Variants in PCDHGB3 observed in about 807,000 individuals in gnomAD.
PCDHGB3 encodes the protein protocadherin gamma subfamily B, 3.
In PCDHGB3, 40 loss-of-function variants were observed where a neutral mutation model predicts 59.2. That is an observed-to-expected ratio of 0.68 (90% CI 0.52 to 0.88). PCDHGB3 has a LOEUF of 0.88. Ranked by LOEUF, PCDHGB3 falls within the 40% of genes least tolerant of loss-of-function variation. PCDHGB3 has a pLI of 0.00. For synonymous variants in PCDHGB3, 581 were observed against 503.6 expected (o/e 1.15, Z -2.06); for missense variants, 1,309 against 1,187.9 (o/e 1.10, Z -1.50).
rs2149975927 is a variant in PCDHGB3, at chr5:141,370,978, T to C, written c.584T>C (p.Val195Ala). Residue 195 changes from valine to alanine, a missense_variant, in exon 1 of 4, where the codon GTA (valine) becomes GCA (alanine). By Grantham distance (64) the Val-to-Ala change is moderately conservative. Transcript: ENST00000576222. ...GATGGCAGTAGGTACCCAGAGCTAG[T>C]ACTGAAAGCACCCCTGGACAGGGAA... ...NLDGSRYPELVLKAPLDREEQ... is the reference protein window; with the variant it reads ...NLDGSRYPELALKAPLDREEQ... 1 of 1,613,976 alleles carries C rather than the reference T, an allele frequency of 6.2e-7. No individual in the cohort carries two copies. The highest frequency in any genetic ancestry group is 8.5e-7 in the Non-Finnish European group (1 of 1,179,876).
rs767197233 is a variant in PCDHGB3, at chr5:141,418,642, C to T, written c.2415+45833C>T. On this transcript the variant is annotated intron_variant, in intron 1 of 3. Coordinates refer to ENST00000576222, the MANE Select transcript of PCDHGB3 (RefSeq NM_018924.5). ...AAGACGTGCCTCCAGGCACCTCCAT[C>T]CTGAGAGTGAAGGCCACTGACCAGG... The T allele has an allele frequency of 2.3e-5, 37 of 1,614,028 alleles. No individual in the cohort carries two copies. In the South Asian group the frequency reaches 3.6e-4, roughly 16 times the overall value.
intron 1 of PCDHGB3, chr5:141,399,510 C>T: frequency 6.2e-7 from 1 of 1,614,040 alleles, no homozygotes; most frequent in Non-Finnish European, 8.5e-7. Context: ...CCGAAAACAA[C>T]CCTCCTGGGG....
intron 1 of PCDHGB3, chr5:141,392,833 GC>G (rs922844407): frequency 1.2e-6 from 2 of 1,604,258 alleles, no homozygotes; most frequent in Non-Finnish European, 1.7e-6. Context: ...CCACAGAGTC[GC>G]CCCAGACGCG....
intron 1 of PCDHGB3, among the ~76,000 whole-genome samples, chr5:141,480,704 G>A (rs545986902): frequency 8.5e-5 from 13 of 152,206 alleles, no homozygotes; most frequent in East Asian, 5.8e-4. Flanking sequence ...GCCACACCCC[G>A]ACAAATGAAA....
At chr5:141,475,764 C>T (rs2154573514) in intron 1 of PCDHGB3, among the ~76,000 whole-genome samples, 1 of 152,380 alleles carries the variant, frequency 6.6e-6, no homozygotes, top group South Asian at 2.1e-4. Flanking sequence ...CCGATACTGG[C>T]AAGGCGCTTT....
Position 141,476,208 on chromosome 5 carries a change from C to T in PCDHGB3, c.2416-18599C>T, listed in dbSNP as rs1266601125. The T allele has an allele frequency of 6.2e-7, 1 of 1,613,794 alleles. No homozygotes were observed. ...CTTGGTGCCTTGAACAAGGCTTCCA[C>T]GGTCATTCACTATGAGATCCCGGAG... On this transcript the variant is annotated intron_variant, in intron 1 of 3. Coordinates refer to ENST00000576222, the MANE Select transcript of PCDHGB3 (RefSeq NM_018924.5). The surrounding 1 kb of genome is among the most constrained non-coding windows in gnomAD (Gnocchi z 7.6).
intron 1 of PCDHGB3, among the ~76,000 whole-genome samples, chr5:141,463,762 T>C (rs113547206): frequency 2.0e-5 from 3 of 152,214 alleles, no homozygotes; most frequent in African/African-American, 4.8e-5. Flanking sequence ...TCTTCTCTTA[T>C]GGGTTAGAAT....
At chr5:141,470,736 C>A (rs541510544) in intron 1 of PCDHGB3, among the ~76,000 whole-genome samples, 1 of 152,092 alleles carries the variant, frequency 6.6e-6, no homozygotes, top group Non-Finnish European at 1.5e-5. Context: ...CTTGCTCTGT[C>A]GCCCTGGCTG....
chr5:141,410,031 AG>A lies in PCDHGB3; in HGVS notation c.2415+37224del, dbSNP rs1303415196. ...GCCTGGCTGTCCTACCACGTGCTGCAGGCCAGTGAGCCCGGACTCTTCAGCC... is the reference window on the plus strand; with the variant it reads ...GCCTGGCTGTCCTACCACGTGCTGCAGCCAGTGAGCCCGGACTCTTCAGCC... On this transcript the variant is annotated intron_variant, in intron 1 of 3. Coordinates refer to ENST00000576222, the MANE Select transcript of PCDHGB3 (RefSeq NM_018924.5). 3.1e-6 allele frequency: 5 copies of A among 1,613,236 alleles called. No homozygotes were observed. In the South Asian group the frequency reaches 5.5e-5, roughly 18 times the overall value.
chr5:141,435,718 G>T (rs2097776232), intron 1 of PCDHGB3, among the ~76,000 whole-genome samples: 1 of 152,150 alleles, frequency 6.6e-6, no homozygotes, highest in African/African-American at 2.4e-5. Context: ...GACACTGAAT[G>T]CTAAAGTGTA....
chr5:141,402,233 AT>A (rs1490030425), intron 1 of PCDHGB3, among the ~76,000 whole-genome samples: 1 of 152,070 alleles, frequency 6.6e-6, no homozygotes, highest in Non-Finnish European at 1.5e-5. Flanking sequence ...TTTTCCAGGA[AT>A]TTTATCATCA....
chr5:141,404,592 C>T, intron 1 of PCDHGB3: 1 of 1,614,048 alleles, frequency 6.2e-7, no homozygotes, highest in African/African-American at 1.3e-5. Flanking sequence ...AGCAATGTGT[C>T]ATTGAGACTG....
At position 141,494,781 on chromosome 5, in the gene PCDHGB3, C is replaced by A. The variant is rs145360252; in HGVS notation, c.2416-26C>A. On this transcript the variant is annotated intron_variant, in intron 1 of 3. Coordinates refer to ENST00000576222, the MANE Select transcript of PCDHGB3 (RefSeq NM_018924.5). ...ATTCTAACTTCTCACGGGTACTCAG[C>A]CCCTTTCCCTCTGTTTTCTCCACAG... 6,156 of 1,614,074 alleles carry A rather than the reference C, an allele frequency of 3.8e-3. 13 individuals are homozygous for A. Among genetic ancestry groups the A allele is most frequent in the Middle Eastern group, 8.1e-3 (49 of 6,062 alleles).
At chr5:141,418,127 A>G in intron 1 of PCDHGB3, 1 of 1,614,104 alleles carries the variant, frequency 6.2e-7, no homozygotes, top group East Asian at 2.2e-5. Flanking sequence ...GAAGGACCGA[A>G]TAGACCGTGA....
At position 141,493,512 on chromosome 5, in the gene PCDHGB3, C is replaced by A. The variant is rs1327850681; in HGVS notation, c.2416-1295C>A. The stretch of plus-strand genomic sequence containing the variant: ...CTGTGGCTCCTCATTTCTGAGCAGT[C>A]CCCGCAGCGCAAACTTGGCCAGTTA... On this transcript the variant is annotated intron_variant, in intron 1 of 3. Transcript: ENST00000576222. The surrounding 1 kb of genome is among the most constrained non-coding windows in gnomAD (Gnocchi z 4.3). Among the ~76,000 whole-genome samples the A allele has an allele frequency of 1.3e-5, 2 of 152,148 alleles. No individual in the cohort carries two copies. Among genetic ancestry groups the A allele is most frequent in the South Asian group, 4.1e-4 (2 of 4,824 alleles).
intron 1 of PCDHGB3, chr5:141,392,643 AAGAC>A: frequency 1.5e-6 from 1 of 663,020 alleles, no homozygotes; most frequent in Middle Eastern, 4.0e-4. Context: ...ACACCTCACG[AAGAC>A]CCGCAGATGC....
intron 1 of PCDHGB3, chr5:141,382,741 C>G: frequency 3.4e-6 from 2 of 582,496 alleles, no homozygotes; most frequent in East Asian, 2.8e-5. Context: ...AGAGAAACGA[C>G]AGATTGCGAT....
intron 2 of PCDHGB3, among the ~76,000 whole-genome samples, chr5:141,499,496 T>C (rs1167360015): frequency 6.6e-6 from 1 of 152,182 alleles, no homozygotes; most frequent in East Asian, 1.9e-4. Flanking sequence ...CAGTTTAATA[T>C]GAAACATTTC....
At chr5:141,389,990 C>G (rs2091998485) in intron 1 of PCDHGB3, 2 of 1,614,044 alleles carry the variant, frequency 1.2e-6, no homozygotes, top group Non-Finnish European at 1.7e-6. Flanking sequence ...TGCTCTTCCT[C>G]GTGGCCATGA....
Sources: allele counts gnomAD v4.1 joint callset (sites outside exome capture counted in the v4.1 genomes callset), GRCh38; gene constraint gnomAD v4.1.1; non-coding constraint Gnocchi (gnomAD v3.1); transcripts MANE v1.5; gene names NCBI Gene and HGNC (gene_info 2026-07-23, HGNC 2026-07-21).